Variants in NOL4 observed in about 807,000 individuals in gnomAD.
NOL4 encodes cancer/testis antigen 125.
In NOL4, 17 loss-of-function variants were observed where a neutral mutation model predicts 75.9. That is an observed-to-expected ratio of 0.22 (90% CI 0.15 to 0.34). The LOEUF (loss-of-function observed/expected upper bound fraction) is 0.34, where lower values mean the gene tolerates loss of function less well. Ranked by LOEUF, NOL4 falls within the 10% of genes least tolerant of loss-of-function variation. The probability of loss-of-function intolerance (pLI) is 1.00; values close to 1 mark genes in which losing one functional copy is unlikely to be tolerated. For synonymous variants in NOL4, 292 were observed against 289.9 expected (o/e 1.01, Z -0.07); for missense variants, 614 against 793.5 (o/e 0.77, Z 2.72).
chr18:34,004,453 T>A (rs2073920065), intron 6 of NOL4, among the ~76,000 whole-genome samples: 1 of 152,110 alleles, frequency 6.6e-6, no homozygotes, highest in Non-Finnish European at 1.5e-5. Context: ...TGACAGCACC[T>A]TTTAATTTTG....
At chr18:33,902,822 T>C (rs1215478451) in intron 9 of NOL4, among the ~76,000 whole-genome samples, 2 of 152,146 alleles carry the variant, frequency 1.3e-5, no homozygotes, top group South Asian at 2.1e-4. Flanking sequence ...AAATAATCCC[T>C]ATGTTATATT....
intron 1 of NOL4, among the ~76,000 whole-genome samples, chr18:34,197,034 T>C (rs1462211211): frequency 6.6e-6 from 1 of 151,980 alleles, no homozygotes; most frequent in Non-Finnish European, 1.5e-5. Flanking sequence ...AATATAATGA[T>C]GAATTTATGA....
At chr18:33,939,139 T>C (rs892207708) in intron 9 of NOL4, among the ~76,000 whole-genome samples, 1 of 152,162 alleles carries the variant, frequency 6.6e-6, no homozygotes, top group Non-Finnish European at 1.5e-5. Context: ...GGTCTATACA[T>C]CTGTTTTGGT....
intron 8 of NOL4, among the ~76,000 whole-genome samples, chr18:33,953,130 G>A (rs1450563715): frequency 6.6e-6 from 1 of 151,404 alleles, no homozygotes; most frequent in African/African-American, 2.4e-5. Flanking sequence ...TTTAAAATCT[G>A]GAAGCATTTA....
chr18:34,035,425 GAATAT>G (rs775645892), intron 5 of NOL4, among the ~76,000 whole-genome samples: 23 of 152,020 alleles, frequency 1.5e-4, no homozygotes, highest in African/African-American at 4.8e-4. Context: ...ATGAAAATAG[GAATAT>G]AATATATCAA....
chr18:34,004,778 A>G (rs1202667976), intron 6 of NOL4, among the ~76,000 whole-genome samples: 5 of 152,024 alleles, frequency 3.3e-5, no homozygotes, highest in Non-Finnish European at 7.4e-5. Flanking sequence ...TTTCAGGAAA[A>G]TCTTCCCAGA....
At chr18:34,137,836 G>A (rs1249846074) in intron 1 of NOL4, among the ~76,000 whole-genome samples, 5 of 144,648 alleles carry the variant, frequency 3.5e-5, no homozygotes, top group African/African-American at 1.3e-4. Flanking sequence ...ACATTCAAAA[G>A]GAATAAGTTC....
At chr18:33,919,131 T>C (rs1423773675) in intron 9 of NOL4, among the ~76,000 whole-genome samples, 1 of 152,182 alleles carries the variant, frequency 6.6e-6, no homozygotes, top group African/African-American at 2.4e-5. Flanking sequence ...ATTGAATTAT[T>C]TCTGGAAATA....
At chr18:34,006,988 G>A (rs966300847) in intron 6 of NOL4, among the ~76,000 whole-genome samples, 1 of 152,016 alleles carries the variant, frequency 6.6e-6, no homozygotes, top group African/African-American at 2.4e-5. Flanking sequence ...ACTAGAGACA[G>A]ACTAGAAAAA....
At chr18:33,988,461 G>A (rs115334334) in intron 6 of NOL4, among the ~76,000 whole-genome samples, 1,777 of 152,160 alleles carry the variant, frequency 0.012, 31 homozygotes, top group African/African-American at 0.04. Flanking sequence ...TCCAAACTAT[G>A]AAACCCTGTT....
intron 1 of NOL4, among the ~76,000 whole-genome samples, chr18:34,187,506 A>G (rs2034573953): frequency 6.6e-6 from 1 of 150,542 alleles, no homozygotes; most frequent in Admixed American, 6.7e-5. Flanking sequence ...CCTCCCGCGT[A>G]GCTGGGACTA....
chr18:33,966,791 G>A (rs2070637883), intron 6 of NOL4, among the ~76,000 whole-genome samples: 3 of 152,006 alleles, frequency 2.0e-5, no homozygotes, highest in Admixed American at 2.0e-4. Flanking sequence ...TGAGGTAAAA[G>A]ACCTCTACAA....
At chr18:33,949,610 A>T (rs928593326) in intron 8 of NOL4, among the ~76,000 whole-genome samples, 1 of 152,104 alleles carries the variant, frequency 6.6e-6, no homozygotes, top group Admixed American at 6.6e-5. Context: ...GAGCCCGTGG[A>T]TCTACTATGT....
At chr18:33,934,969 T>C (rs1004379978) in intron 9 of NOL4, among the ~76,000 whole-genome samples, 2 of 149,530 alleles carry the variant, frequency 1.3e-5, no homozygotes, top group Non-Finnish European at 3.0e-5. Context: ...AGCAATCCTC[T>C]CACCTCAGCC....
intron 2 of NOL4, chr18:34,121,371 T>C (rs2080133440): frequency 6.6e-6 from 1 of 152,214 alleles, no homozygotes; most frequent in African/African-American, 2.4e-5. Context: ...CATTGGCATG[T>C]TCAAAACCTC....
intron 2 of NOL4, among the ~76,000 whole-genome samples, chr18:34,115,629 T>C (rs911170191): frequency 3.3e-5 from 5 of 152,098 alleles, no homozygotes; most frequent in African/African-American, 1.2e-4. Flanking sequence ...CTAGTCCTAA[T>C]AGGTTTTTTA....
intron 10 of NOL4, among the ~76,000 whole-genome samples, chr18:33,862,397 A>T (rs529814446): frequency 1.3e-5 from 2 of 152,348 alleles, no homozygotes; most frequent in Admixed American, 1.3e-4. Context: ...AAGCAATGGC[A>T]ACAGAAGCCA....
At position 33,851,915 on chromosome 18, in the gene NOL4, T is replaced by C. The variant is rs1379112590; in HGVS notation, c.*927A>G. On this transcript the variant is annotated 3_prime_UTR_variant, in exon 11 of 11. Coordinates refer to ENST00000261592, the MANE Select transcript of NOL4 (RefSeq NM_003787.5). ...ATTGTCACTTGCAACCTCTTAACATTCAGTCATCTACATCCAGGTGCTGCT... is the reference window on the plus strand; with the variant it reads ...ATTGTCACTTGCAACCTCTTAACATCCAGTCATCTACATCCAGGTGCTGCT... 1 of 152,444 alleles carries C rather than the reference T, an allele frequency of 6.6e-6. No homozygotes were observed. The highest frequency in any genetic ancestry group is 2.4e-5 in the African/African-American group (1 of 41,390). The allele number at this position is 152,444 out of a possible 1,614,324, so 9.4% of individuals were successfully genotyped here.
intron 6 of NOL4, among the ~76,000 whole-genome samples, chr18:33,990,268 A>G (rs867353506): frequency 7.9e-5 from 12 of 152,170 alleles, no homozygotes; most frequent in Middle Eastern, 3.4e-3. Context: ...ATAACTGGTC[A>G]CTACCCAAAA....
Sources: allele counts gnomAD v4.1 joint callset (sites outside exome capture counted in the v4.1 genomes callset), GRCh38; gene constraint gnomAD v4.1.1; transcripts MANE v1.5; gene names NCBI Gene and HGNC (gene_info 2026-07-23, HGNC 2026-07-21).